Variants in NIBAN1 observed in about 807,000 individuals in gnomAD.
The protein encoded by NIBAN1 is niban apoptosis regulator 1.
NIBAN1 carries 81 observed loss-of-function variants against 75.1 expected under a neutral mutation model. The observed-to-expected ratio is 1.08, with a 90% CI of 0.90 to 1.30. The LOEUF is 1.30. NIBAN1 is among the 50% of genes most tolerant of loss of function. The pLI is 0.00. For synonymous variants in NIBAN1, 436 were observed against 424.8 expected, an observed-to-expected ratio of 1.03 and a Z score of -0.32; for missense variants, 1,133 against 1,128.1, an observed-to-expected ratio of 1.00 and a Z score of -0.06.
chr1:184,880,707 G>C (rs1378644593), intron 5 of NIBAN1, among the ~76,000 whole-genome samples: 1 of 152,202 alleles, frequency 6.6e-6, no homozygotes, highest in East Asian at 1.9e-4. Flanking sequence ...CATGTGTTCA[G>C]CCCTCTGTAT....
At chr1:184,837,400 C>G (rs775913598) in intron 5 of NIBAN1, among the ~76,000 whole-genome samples, 1 of 152,178 alleles carries the variant, frequency 6.6e-6, no homozygotes, top group South Asian at 2.1e-4. Flanking sequence ...ATTCAGCTCT[C>G]TCATTTAATG....
chr1:184,912,657 T>C (rs1408535274), intron 1 of NIBAN1, among the ~76,000 whole-genome samples: 3 of 152,334 alleles, frequency 2.0e-5, no homozygotes, highest in Middle Eastern at 3.4e-3. Context: ...TCCCCATTTG[T>C]CTTCTTACTG....
chr1:184,867,882 G>C, intron 5 of NIBAN1: 1 of 985,394 alleles, frequency 1.0e-6, no homozygotes, highest in Non-Finnish European at 1.2e-6. Context: ...AGGCTCTTTT[G>C]TTCCAGCTTT....
chr1:184,960,168 A>AT (rs1023163276), intron 1 of NIBAN1, among the ~76,000 whole-genome samples: 2 of 152,212 alleles, frequency 1.3e-5, no homozygotes, highest in African/African-American at 4.8e-5. Context: ...GCTTAAAATG[A>AT]TTTTTTAGAG....
intron 6 of NIBAN1, among the ~76,000 whole-genome samples, chr1:184,831,012 T>A (rs1218364436): frequency 8.7e-6 from 1 of 114,762 alleles, no homozygotes; most frequent in South Asian, 2.8e-4. Context: ...AAAAAAAAAA[T>A]AGCATTCTTA....
At chr1:184,959,359 G>C (rs1658572082) in intron 1 of NIBAN1, among the ~76,000 whole-genome samples, 1 of 152,178 alleles carries the variant, frequency 6.6e-6, no homozygotes, top group Non-Finnish European at 1.5e-5. Context: ...CTGGAGACTA[G>C]GAAGATTTTT....
chr1:184,890,055 TA>T, intron 4 of NIBAN1, 52 bp downstream of exon 4: 2 of 1,360,556 alleles, frequency 1.5e-6, no homozygotes, highest in Non-Finnish European at 1.0e-6. Context: ...CTGCTCCAGC[TA>T]AACAAAGAAG....
intron 5 of NIBAN1, among the ~76,000 whole-genome samples, chr1:184,864,327 A>T (rs1655893031): frequency 1.5e-5 from 2 of 131,860 alleles, no homozygotes; most frequent in Non-Finnish European, 3.5e-5. Flanking sequence ...TGGCAATCAT[A>T]CTTCTGACAA....
intron 1 of NIBAN1, among the ~76,000 whole-genome samples, chr1:184,954,766 T>C (rs916499661): frequency 3.9e-5 from 6 of 152,216 alleles, no homozygotes; most frequent in African/African-American, 1.4e-4. Context: ...AAAAGAGCTC[T>C]GCACCAGGAG....
intron 1 of NIBAN1, among the ~76,000 whole-genome samples, chr1:184,961,561 T>C (rs1658648660): frequency 6.6e-6 from 1 of 152,192 alleles, no homozygotes; most frequent in African/African-American, 2.4e-5. Context: ...GTTACCTACT[T>C]AATAGCCATC....
At chr1:184,936,596 G>A (rs1311191287) in intron 1 of NIBAN1, among the ~76,000 whole-genome samples, 1 of 152,232 alleles carries the variant, frequency 6.6e-6, no homozygotes, top group South Asian at 2.1e-4. Context: ...ATTCCCTTCA[G>A]AGGCTCCACT....
chr1:184,972,289 T>C (rs1385601023), intron 1 of NIBAN1, among the ~76,000 whole-genome samples: 1 of 152,158 alleles, frequency 6.6e-6, no homozygotes. Flanking sequence ...TACAATTGAA[T>C]CAAAGCTTGA....
In NIBAN1 at chr1:184,851,988, T is replaced by C. The variant is rs1276050633; in HGVS notation, c.602-20026A>G. On this transcript the variant is annotated intron_variant, in intron 5 of 13. Transcript: ENST00000367511. ...TTCCAAAGCCCAGCACGCGCCACAG[T>C]CCCACCACGCGGGGTCCAATCCAAG... Among the ~76,000 whole-genome samples, 3 of 152,072 alleles carry C rather than the reference T, an allele frequency of 2.0e-5. No homozygotes were observed. The East Asian group carries it at 5.8e-4, about 29-fold the overall frequency.
chr1:184,792,955 T>G lies in NIBAN1; in HGVS notation c.*2022A>C, dbSNP rs1383891103. On this transcript the variant is annotated 3_prime_UTR_variant, in exon 14 of 14. Coordinates refer to ENST00000367511, the MANE Select transcript of NIBAN1 (RefSeq NM_052966.4). ...TAAATGCCAGGATATGAGTGAGCAC[T>G]GCAGAAAGCAGAGACTGGGGGAGAA... The G allele has an allele frequency of 6.6e-6, 1 of 152,246 alleles. No homozygotes were observed. Among genetic ancestry groups the G allele is most frequent in the Non-Finnish European group, 1.5e-5 (1 of 68,054 alleles). 9.4% of individuals were successfully genotyped at this position (152,246 alleles called of 1,614,324 possible).
chr1:184,957,067 A>G (rs1046330663), intron 1 of NIBAN1, among the ~76,000 whole-genome samples: 1 of 149,716 alleles, frequency 6.7e-6, no homozygotes, highest in Non-Finnish European at 1.5e-5. Context: ...TCAAAAACCA[A>G]CAACAACACA....
At position 184,795,181 on chromosome 1, in the gene NIBAN1, T is replaced by A. The variant is rs1209010356; in HGVS notation, c.2583A>T (p.Glu861Asp). 1 of 1,614,164 alleles carries A rather than the reference T, an allele frequency of 6.2e-7. No individual in the cohort carries two copies. The highest frequency in any genetic ancestry group is 8.5e-7 in the Non-Finnish European group (1 of 1,180,032). Reference sequence around the variant, plus strand: ...TGCTTTGCCCTCCCATCTCTTCTTGTTCCTCAGAAACCTGGCTCTCACTGA... The same window carrying A: ...TGCTTTGCCCTCCCATCTCTTCTTGATCCTCAGAAACCTGGCTCTCACTGA... ...ICLSESQVSEEQEEMGGQSSA... is the reference protein window; with the variant it reads ...ICLSESQVSEDQEEMGGQSSA... Residue 861 changes from glutamate (E) to aspartate (D), a missense_variant, in exon 14 of 14, where the codon GAA (glutamate) becomes GAT (aspartate). Glu to Asp is a conservative substitution (Grantham distance 45). Coordinates refer to ENST00000367511, the MANE Select transcript of NIBAN1 (RefSeq NM_052966.4).
At chr1:184,954,021 G>A (rs1005838779) in intron 1 of NIBAN1, among the ~76,000 whole-genome samples, 1 of 152,148 alleles carries the variant, frequency 6.6e-6, no homozygotes, top group Non-Finnish European at 1.5e-5. Flanking sequence ...AATTCCTAAG[G>A]GGGAAAGATT....
At chr1:184,957,112 A>C (rs1010630689) in intron 1 of NIBAN1, among the ~76,000 whole-genome samples, 4 of 152,248 alleles carry the variant, frequency 2.6e-5, no homozygotes, top group African/African-American at 9.6e-5. Flanking sequence ...TCAAGCTATC[A>C]ATGTGATATC....
chr1:184,853,748 C>CA (rs113133458), intron 5 of NIBAN1, among the ~76,000 whole-genome samples: 3 of 152,198 alleles, frequency 2.0e-5, no homozygotes, highest in African/African-American at 7.2e-5. Context: ...CACATATACA[C>CA]ATGTGCATAC....
Sources: allele counts gnomAD v4.1 joint callset (sites outside exome capture counted in the v4.1 genomes callset), GRCh38; gene constraint gnomAD v4.1.1; transcripts MANE v1.5; gene names NCBI Gene and HGNC (gene_info 2026-07-23, HGNC 2026-07-21).